Variants in NSD2 observed in about 807,000 individuals in gnomAD.
The protein encoded by NSD2 is nuclear receptor binding SET domain protein 2, also known as histone-lysine N-methyltransferase NSD2.
Under a neutral mutation model 139.0 loss-of-function variants are expected in NSD2, and 12 were observed. The ratio of observed to expected loss-of-function variants is 0.09; its 90% confidence interval spans 0.06 to 0.14. NSD2 has a LOEUF of 0.14. Ranked by LOEUF, NSD2 falls within the 10% of genes least tolerant of loss-of-function variation. NSD2 has a pLI of 1.00. For synonymous variants in NSD2, 669 were observed against 648.7 expected (o/e 1.03, Z -0.48); for missense variants, 1,155 against 1,745.0 (o/e 0.66, Z 6.02).
At position 1,972,152 on chromosome 4, in the gene NSD2, C is replaced by G. The variant is rs1005740278; in HGVS notation, c.3373-2711C>G. 6.6e-6 allele frequency among the ~76,000 whole-genome samples: 1 copy of G among 152,170 alleles called. No individual in the cohort carries two copies. The highest frequency in any genetic ancestry group is 1.5e-5 in the Non-Finnish European group (1 of 68,040). On this transcript the variant is annotated intron_variant, in intron 18 of 21. Transcript: ENST00000508803. The surrounding 1 kb of genome is among the most constrained non-coding windows in gnomAD (Gnocchi z 4.0). ...TAGTGACAACAGTGAGAGGCCAGGT[C>G]CACAGGTTTTCCCCTGCCCTCCTCA...
rs574928064 is a variant in NSD2 at position 1,920,543 on chromosome 4, T to G, written c.1410+1920T>G. Among the ~76,000 whole-genome samples the G allele has an allele frequency of 6.6e-5, 10 of 152,290 alleles. No homozygotes were observed. The South Asian group carries it at 2.1e-3, about 32-fold the overall frequency. On this transcript the variant is annotated intron_variant, in intron 5 of 21. Coordinates refer to ENST00000508803, the MANE Select transcript of NSD2 (RefSeq NM_001042424.3). ...AAAGGCATTTGATAAAATTCATTGCTTTTTTTAATTAAGTAAACACCCTGT... is the reference window on the plus strand; with the variant it reads ...AAAGGCATTTGATAAAATTCATTGCGTTTTTTAATTAAGTAAACACCCTGT...
intron 21 of NSD2, among the ~76,000 whole-genome samples, chr4:1,977,394 C>T (rs573151735): frequency 6.6e-6 from 1 of 152,362 alleles, no homozygotes; most frequent in South Asian, 2.1e-4. Context: ...GCAGCCACCT[C>T]CGTTACAATC....
chr4:1,918,840 A>C, intron 5 of NSD2: 4 of 595,980 alleles, frequency 6.7e-6, no homozygotes, highest in African/African-American at 1.9e-5. Flanking sequence ...ATCCTTCCTA[A>C]TGTGGATAAG....
At chr4:1,906,984 T>C (rs996570865) in intron 3 of NSD2, among the ~76,000 whole-genome samples, 1 of 152,072 alleles carries the variant, frequency 6.6e-6, no homozygotes, top group Non-Finnish European at 1.5e-5. Context: ...TTTGCTTGAC[T>C]CCGGGACCTT....
chr4:1,945,597 G>T (rs10488835), intron 9 of NSD2: 86,438 of 1,065,288 alleles, frequency 0.081, 3,696 homozygotes, highest in Admixed American at 0.11. Context: ...TGTGGCACCT[G>T]TGATGGCAGG....
chr4:1,979,113 G>GC lies in NSD2; in HGVS notation c.*207dup, dbSNP rs1727480070. Reference sequence around the variant, plus strand: ...TGCGTCTGCACTGATGACCGTCTGAGCCCAGCTCAGCGTTCCTGGACAAAC... The same window carrying GC: ...TGCGTCTGCACTGATGACCGTCTGAGCCCCAGCTCAGCGTTCCTGGACAAAC... On this transcript the variant is annotated 3_prime_UTR_variant, in exon 22 of 22. Transcript: ENST00000508803. 9.7e-6 allele frequency: 5 copies of GC among 514,310 alleles called. No homozygotes were observed. The South Asian group carries it at 2.8e-4, about 29-fold the overall frequency. 31.9% of individuals were successfully genotyped at this position (514,310 alleles called of 1,614,324 possible). A position where few individuals can be genotyped will look rare whatever the true frequency, so the allele number is the denominator to read the frequency against.
rs1007927991 is a variant in NSD2, at chr4:1,943,165, G to A, written c.1881+3387G>A. On this transcript the variant is annotated intron_variant, in intron 9 of 21. Coordinates refer to ENST00000508803, the MANE Select transcript of NSD2 (RefSeq NM_001042424.3). ...GCCTGGTGTCCTGCCCCAGGTGTCC[G>A]CATTTTTGCATGGTAAGGAAAAGGC... 26 of 1,041,934 alleles carry A rather than the reference G, an allele frequency of 2.5e-5. No individual in the cohort carries two copies. In the East Asian group the frequency reaches 1.3e-3, roughly 50 times the overall value. 64.5% of individuals were successfully genotyped at this position (1,041,934 alleles called of 1,614,324 possible). A position where few individuals can be genotyped will look rare whatever the true frequency, so the allele number is the denominator to read the frequency against.
Position 1,955,181 on chromosome 4 carries a change from C to T in NSD2, c.2359C>T (p.Arg787Cys). The stretch of plus-strand genomic sequence containing the variant: ...TTCAGGTAAAATGATGCGGTGTGTC[C>T]GCTGCCCCGTTGCCTATCACAGCGG... Reference protein sequence around the residue: ...PSKGKMMRCVRCPVAYHSGDA... With the variant: ...PSKGKMMRCVCCPVAYHSGDA... The change falls in exon 13 of 22, where the codon CGC (arginine) becomes TGC (cysteine). Residue 787 changes from arginine (R) to cysteine (C), a missense_variant. Physicochemically the swap from Arg to Cys is radical, Grantham distance 180 (BLOSUM62 -3). Coordinates refer to ENST00000508803, the MANE Select transcript of NSD2 (RefSeq NM_001042424.3). The surrounding 1 kb of genome is among the most constrained non-coding windows in gnomAD (Gnocchi z 4.7). The T allele has an allele frequency of 1.2e-6, 2 of 1,612,250 alleles. No individual in the cohort carries two copies. Among genetic ancestry groups the T allele is most frequent in the Non-Finnish European group, 1.7e-6 (2 of 1,178,412 alleles).
intron 5 of NSD2, among the ~76,000 whole-genome samples, chr4:1,922,475 A>G (rs186628136): frequency 1.0e-3 from 157 of 152,348 alleles, no homozygotes; most frequent in East Asian, 7.3e-3. Flanking sequence ...GAAGTTGTCA[A>G]TTCTCCCTTT....
At position 1,893,054 on chromosome 4, in the gene NSD2, C is replaced by G. The variant is rs17746800; in HGVS notation, c.-29-7572C>G. On this transcript the variant is annotated intron_variant, in intron 1 of 21. Transcript: ENST00000508803. Reference sequence around the variant, plus strand: ...GTCTTCTTCCTACAACAGCACTTCTCCAGTACCAATCTGATTCCTCTAAGT... The same window carrying G: ...GTCTTCTTCCTACAACAGCACTTCTGCAGTACCAATCTGATTCCTCTAAGT... 6.0e-3 allele frequency among the ~76,000 whole-genome samples: 908 copies of G among 152,276 alleles called. 4 individuals carry two copies. Among genetic ancestry groups the G allele is most frequent in the South Asian group, 0.014 (67 of 4,828 alleles).
intron 1 of NSD2, among the ~76,000 whole-genome samples, chr4:1,877,379 GTT>G: frequency 6.6e-6 from 1 of 152,126 alleles, no homozygotes; most frequent in East Asian, 1.9e-4. Context: ...GCCCATTGGG[GTT>G]CAAGACGAGT....
chr4:1,933,943 C>A (rs541159248), intron 6 of NSD2, among the ~76,000 whole-genome samples: 3 of 152,024 alleles, frequency 2.0e-5, no homozygotes, highest in African/African-American at 7.2e-5. Flanking sequence ...ATGGAGGAAG[C>A]CCTTAATTTG....
At chr4:1,945,480 T>C (rs1723529431) in intron 9 of NSD2, 1 of 1,063,464 alleles carries the variant, frequency 9.4e-7, no homozygotes, top group African/African-American at 1.6e-5. Context: ...AGATTATAAA[T>C]TAGCATCTAG....
At position 1,956,621 on chromosome 4, in the gene NSD2, G is replaced by A. The variant is rs1223154218; in HGVS notation, c.2881+433G>A. On this transcript the variant is annotated intron_variant, in intron 15 of 21. Coordinates refer to ENST00000508803, the MANE Select transcript of NSD2 (RefSeq NM_001042424.3). The surrounding 1 kb of genome is among the most constrained non-coding windows in gnomAD (Gnocchi z 5.3). ...GTGCTTGGCCTCTGATTCCCCAGCT[G>A]GGGTGGGAGGCAGGAGCAACGATGT... 6.6e-6 allele frequency among the ~76,000 whole-genome samples: 1 copy of A among 152,196 alleles called. No homozygotes were observed. Among genetic ancestry groups the A allele is most frequent in the African/African-American group, 2.4e-5 (1 of 41,444 alleles).
chr4:1,891,718 G>A (rs376020209), intron 1 of NSD2, among the ~76,000 whole-genome samples: 10 of 151,580 alleles, frequency 6.6e-5, no homozygotes, highest in African/African-American at 2.2e-4. Context: ...TTAGCCGGGC[G>A]TGGTGGTCGG....
intron 8 of NSD2, 114 bp downstream of exon 8, chr4:1,938,646 G>T: frequency 1.3e-6 from 1 of 783,528 alleles, no homozygotes; most frequent in Non-Finnish European, 2.0e-6. Flanking sequence ...GAACAGGGCA[G>T]GGGAGGAATC....
At chr4:1,939,854 A>G in intron 9 of NSD2, 76 bp downstream of exon 9, 1 of 1,608,874 alleles carries the variant, frequency 6.2e-7, no homozygotes. Flanking sequence ...AGTGTGAGTA[A>G]TGCTCAGACT....
At chr4:1,931,001 C>T (rs1250364582) in intron 6 of NSD2, among the ~76,000 whole-genome samples, 1 of 152,082 alleles carries the variant, frequency 6.6e-6, no homozygotes, top group African/African-American at 2.4e-5. Context: ...CCTGTGGCTC[C>T]CTTGCTCTCC....
At chr4:1,930,219 C>T (rs1721480489) in intron 5 of NSD2, among the ~76,000 whole-genome samples, 1 of 152,168 alleles carries the variant, frequency 6.6e-6, no homozygotes, top group Non-Finnish European at 1.5e-5. Flanking sequence ...GTAGGTGCTG[C>T]CCAGTGAGGA....
Sources: allele counts gnomAD v4.1 joint callset (sites outside exome capture counted in the v4.1 genomes callset), GRCh38; gene constraint gnomAD v4.1.1; non-coding constraint Gnocchi (gnomAD v3.1); transcripts MANE v1.5; gene names NCBI Gene and HGNC (gene_info 2026-07-23, HGNC 2026-07-21).